HIVEP2: variants seen among roughly 807,000 people sequenced by gnomAD.
HIVEP2 encodes the protein HIVEP zinc finger 2.
HIVEP2 carries 14 observed loss-of-function variants against 180.7 expected under a neutral mutation model. That is an observed-to-expected ratio of 0.08 (90% CI 0.05 to 0.12). The LOEUF is 0.12. Ranked by LOEUF, HIVEP2 falls within the 10% of genes least tolerant of loss-of-function variation. HIVEP2 has a pLI of 1.00. For synonymous variants in HIVEP2, 1,184 were observed against 1,136.4 expected (o/e 1.04, Z -0.84); for missense variants, 2,579 against 3,008.5 (o/e 0.86, Z 3.34).
intron 2 of HIVEP2, among the ~76,000 whole-genome samples, chr6:142,797,664 T>G (rs1402490313): frequency 2.6e-5 from 4 of 152,146 alleles, no homozygotes; most frequent in African/African-American, 9.7e-5. Context: ...AATAACATAT[T>G]TTGAGAATGA....
At chr6:142,768,166 T>C (rs1219085800) in intron 6 of HIVEP2, among the ~76,000 whole-genome samples, 1 of 152,196 alleles carries the variant, frequency 6.6e-6, no homozygotes, top group African/African-American at 2.4e-5. Context: ...GAGGCTTGAA[T>C]GATATCCATT....
At chr6:142,859,625 G>A (rs1170409319) in intron 1 of HIVEP2, among the ~76,000 whole-genome samples, 2 of 151,974 alleles carry the variant, frequency 1.3e-5, no homozygotes, top group African/African-American at 4.8e-5. Flanking sequence ...TCTGAGGTCA[G>A]GAGCTCAAGA....
intron 6 of HIVEP2, among the ~76,000 whole-genome samples, chr6:142,766,590 C>A (rs1359750276): frequency 6.6e-6 from 1 of 152,140 alleles, no homozygotes; most frequent in African/African-American, 2.4e-5. Context: ...ATGGGAAATG[C>A]ATTTTATCAT....
rs771167009 is a variant in HIVEP2, at chr6:142,753,374, G to A, written c.7074C>T (p.His2358=). 1 of 1,614,036 alleles carries A rather than the reference G, an allele frequency of 6.2e-7. No individual in the cohort carries two copies. Among genetic ancestry groups the A allele is most frequent in the East Asian group, 2.2e-5 (1 of 44,884 alleles). ...CATGTGCACTTCCCAGGGGGTTCTGGTGGGGCTCCTGCACCCGCGCTGGCT... is the reference window on the plus strand; with the variant it reads ...CATGTGCACTTCCCAGGGGGTTCTGATGGGGCTCCTGCACCCGCGCTGGCT... ...PDQPARVQEP[H]QNPLGSAHVS... is the part of the protein sequence containing the mutation. Residue 2358 remains histidine (H), a synonymous_variant, in exon 10 of 10, where the codon CAC becomes CAT. Transcript: ENST00000367603.
At chr6:142,928,875 AGTGTGAGT>A (rs1440887093) in intron 1 of HIVEP2, among the ~76,000 whole-genome samples, 1 of 152,152 alleles carries the variant, frequency 6.6e-6, no homozygotes, top group East Asian at 1.9e-4. Context: ...AGTGCCCCTG[AGTGTGAGT>A]GCTGAGAGGG....
chr6:142,874,282 C>T (rs547188002), intron 1 of HIVEP2, among the ~76,000 whole-genome samples: 1 of 152,104 alleles, frequency 6.6e-6, no homozygotes, highest in South Asian at 2.1e-4. Context: ...AGGTTGCTTA[C>T]AAATGTTTTC....
At chr6:142,764,436 C>A (rs1173440990) in intron 7 of HIVEP2, among the ~76,000 whole-genome samples, 1 of 152,218 alleles carries the variant, frequency 6.6e-6, no homozygotes, top group Non-Finnish European at 1.5e-5. Context: ...TTCTTCCCAG[C>A]TGCTGCCTTG....
At chr6:142,789,523 G>A (rs902775838) in intron 2 of HIVEP2, among the ~76,000 whole-genome samples, 1 of 152,118 alleles carries the variant, frequency 6.6e-6, no homozygotes, top group African/African-American at 2.4e-5. Flanking sequence ...CAGTGTTTAG[G>A]GCTATGGAAT....
intron 2 of HIVEP2, among the ~76,000 whole-genome samples, chr6:142,834,066 C>T (rs995347630): frequency 5.3e-5 from 8 of 152,100 alleles, no homozygotes; most frequent in South Asian, 4.1e-4. Flanking sequence ...ATAGTACACC[C>T]GGAGATAACA....
At chr6:142,944,516 G>T (rs1582984055) in intron 1 of HIVEP2, among the ~76,000 whole-genome samples, 1 of 152,220 alleles carries the variant, frequency 6.6e-6, no homozygotes, top group East Asian at 1.9e-4. Flanking sequence ...GGAAAGGCGG[G>T]GGGTGGGGGT....
At chr6:142,879,518 C>T (rs922376764) in intron 1 of HIVEP2, among the ~76,000 whole-genome samples, 8 of 152,156 alleles carry the variant, frequency 5.3e-5, no homozygotes, top group African/African-American at 1.9e-4. Context: ...CCCCATTATC[C>T]TCTTGACCTG....
At chr6:142,892,714 T>C (rs1009494580) in intron 1 of HIVEP2, among the ~76,000 whole-genome samples, 2 of 152,186 alleles carry the variant, frequency 1.3e-5, no homozygotes, top group African/African-American at 4.8e-5. Flanking sequence ...TACAAGGCAA[T>C]ACTGAATAAC....
chr6:142,811,200 TGAGAGAGACAGAGA>T (rs1231018676), intron 2 of HIVEP2, among the ~76,000 whole-genome samples: 1 of 151,528 alleles, frequency 6.6e-6, no homozygotes, highest in Non-Finnish European at 1.5e-5. Context: ...TGTGTGTGTG[TGAGAGAGACAGAGA>T]GAGAGAGAGA....
intron 1 of HIVEP2, among the ~76,000 whole-genome samples, chr6:142,858,920 T>C (rs970832137): frequency 4.6e-5 from 7 of 152,064 alleles, no homozygotes; most frequent in African/African-American, 7.2e-5. Flanking sequence ...TGGGCCCACC[T>C]CTCTGGAAAC....
rs78040687 is a variant in HIVEP2, at chr6:142,904,257, T to G, written c.-641+40842A>C. ...TGTTCCCCACTTGTCACACTTATCC[T>G]CCCCAAATATTATTTACCCATCTGT... On this transcript the variant is annotated intron_variant, in intron 1 of 9. Coordinates refer to ENST00000367603, the MANE Select transcript of HIVEP2 (RefSeq NM_006734.4). 3.3e-3 allele frequency among the ~76,000 whole-genome samples: 499 copies of G among 152,234 alleles called. 1 individual carries two copies. The highest frequency in any genetic ancestry group is 5.6e-3 in the Non-Finnish European group (378 of 68,006).
At chr6:142,927,958 G>C (rs1777856272) in intron 1 of HIVEP2, among the ~76,000 whole-genome samples, 1 of 152,198 alleles carries the variant, frequency 6.6e-6, no homozygotes, top group Admixed American at 6.5e-5. Context: ...AAAACAAATT[G>C]TAGATTCTGT....
intron 1 of HIVEP2, among the ~76,000 whole-genome samples, chr6:142,858,657 T>A (rs561563005): frequency 2.6e-5 from 4 of 152,268 alleles, no homozygotes; most frequent in Non-Finnish European, 5.9e-5. Context: ...AATGACACGA[T>A]CTCGGCTCAC....
chr6:142,820,245 G>A (rs568718387), intron 2 of HIVEP2, among the ~76,000 whole-genome samples: 5 of 151,570 alleles, frequency 3.3e-5, no homozygotes, highest in Admixed American at 1.3e-4. Context: ...GCAGCTGTAC[G>A]AAGACTGATT....
At chr6:142,914,703 C>A (rs62428765) in intron 1 of HIVEP2, among the ~76,000 whole-genome samples, 9,448 of 152,276 alleles carry the variant, frequency 0.062, 388 homozygotes, top group Middle Eastern at 0.11. Flanking sequence ...ACAACCCAGC[C>A]TTACTCATGC....
Sources: gnomAD v4.1 joint callset for allele counts (sites outside exome capture counted in the v4.1 genomes callset) on GRCh38, gnomAD v4.1.1 for gene constraint, MANE v1.5 for transcripts, NCBI Gene and HGNC (gene_info 2026-07-23, HGNC 2026-07-21) for gene names.